The following SYT9 variants were observed in gnomAD, a reference collection of about 807,000 sequenced individuals.
SYT9 encodes synaptotagmin-9.
Under a neutral mutation model 48.4 loss-of-function variants are expected in SYT9, and 22 were observed. That is an observed-to-expected ratio of 0.45 (90% CI 0.32 to 0.65). The LOEUF (loss-of-function observed/expected upper bound fraction) is 0.65. Among genes scored for constraint, SYT9 ranks in the 30% least tolerant of loss-of-function variants. SYT9 has a pLI of 0.03. For missense variants in SYT9, 577 were observed against 622.0 expected (o/e 0.93, Z 0.77); for synonymous variants, 265 against 245.0 (o/e 1.08, Z -0.76).
At chr11:7,416,226 T>G in intron 4 of SYT9, 64 bp downstream of exon 4, 1 of 1,590,146 alleles carries the variant, frequency 6.3e-7, no homozygotes, top group East Asian at 2.2e-5. Context: ...CTTATAAAGT[T>G]TTAGTATGGT....
chr11:7,347,362 G>T (rs1392152360), intron 3 of SYT9, among the ~76,000 whole-genome samples: 1 of 152,034 alleles, frequency 6.6e-6, no homozygotes, highest in East Asian at 1.9e-4. Context: ...CTCCCAAGTA[G>T]CTGGGATTAT....
chr11:7,299,493 G>GA (rs1848877383), intron 1 of SYT9, among the ~76,000 whole-genome samples: 1 of 151,226 alleles, frequency 6.6e-6, no homozygotes, highest in Admixed American at 6.6e-5. Flanking sequence ...GTGTAAATCA[G>GA]AAAAAAAGCC....
At position 7,443,684 on chromosome 11, in the gene SYT9, A is replaced by G. The variant is rs1461032081; in HGVS notation, c.1467+23049A>G. 2.0e-5 allele frequency among the ~76,000 whole-genome samples: 3 copies of G among 152,272 alleles called. No homozygotes were observed. In the East Asian group the frequency reaches 5.8e-4, roughly 29 times the overall value. On this transcript the variant is annotated intron_variant, in intron 6 of 6. Coordinates refer to ENST00000318881, the MANE Select transcript of SYT9 (RefSeq NM_175733.4). The stretch of plus-strand genomic sequence containing the variant: ...AGATGCAGATCCTAATGTCCCAGAC[A>G]GGACTGTTGGCAGGTTCCAAGTCAA...
intron 6 of SYT9, chr11:7,444,653 A>G (rs1011000246): frequency 9.2e-5 from 14 of 152,098 alleles, no homozygotes; most frequent in African/African-American, 2.7e-4. Context: ...TCCATAGCCA[A>G]TGGAGGCTTT....
intron 1 of SYT9, among the ~76,000 whole-genome samples, chr11:7,287,503 T>C (rs916435016): frequency 6.6e-6 from 1 of 152,216 alleles, no homozygotes; most frequent in Non-Finnish European, 1.5e-5. Context: ...GTCTCAGCAA[T>C]GTCTACTTCT....
chr11:7,266,289 T>G (rs16924118), intron 1 of SYT9, among the ~76,000 whole-genome samples: 2,299 of 152,262 alleles, frequency 0.015, 57 homozygotes, highest in African/African-American at 0.053. Context: ...CTGGGGCTTT[T>G]AAAGTACTTT....
At chr11:7,352,489 C>A (rs994358626) in intron 3 of SYT9, among the ~76,000 whole-genome samples, 2 of 152,024 alleles carry the variant, frequency 1.3e-5, no homozygotes, top group Non-Finnish European at 2.9e-5. Context: ...ACAATAAGAC[C>A]TAGATCTACA....
At chr11:7,266,025 G>A (rs1333156049) in intron 1 of SYT9, among the ~76,000 whole-genome samples, 2 of 152,100 alleles carry the variant, frequency 1.3e-5, no homozygotes, top group Admixed American at 6.6e-5. Flanking sequence ...GGACAAGAAT[G>A]AGGAGGCCAC....
intron 3 of SYT9, among the ~76,000 whole-genome samples, chr11:7,391,026 T>G (rs1311073323): frequency 6.6e-6 from 1 of 152,144 alleles, no homozygotes; most frequent in Non-Finnish European, 1.5e-5. Flanking sequence ...CCCATGTCTA[T>G]GTCCATGTGC....
intron 3 of SYT9, among the ~76,000 whole-genome samples, chr11:7,315,372 A>G (rs1849223852): frequency 6.6e-6 from 1 of 152,332 alleles, no homozygotes; most frequent in East Asian, 1.9e-4. Context: ...TTATACAAAG[A>G]TACGAATGGC....
intron 1 of SYT9, among the ~76,000 whole-genome samples, chr11:7,287,240 A>C (rs1231514731): frequency 1.3e-5 from 2 of 152,140 alleles, no homozygotes; most frequent in African/African-American, 4.8e-5. Context: ...GAAGGGGGGA[A>C]AAGCCCCTTA....
At chr11:7,453,866 G>A (rs1848102607) in intron 6 of SYT9, 1 of 378,156 alleles carries the variant, frequency 2.6e-6, no homozygotes, top group Non-Finnish European at 3.6e-6. Flanking sequence ...AGGCCGAAAG[G>A]GAGTCAGGCC....
intron 1 of SYT9, among the ~76,000 whole-genome samples, chr11:7,290,725 G>A (rs1848683983): frequency 6.6e-6 from 1 of 152,100 alleles, no homozygotes; most frequent in East Asian, 1.9e-4. Context: ...AGTTGTAGGA[G>A]ACACTTTAGA....
chr11:7,385,551 A>G (rs1405934196), intron 3 of SYT9, among the ~76,000 whole-genome samples: 1 of 152,104 alleles, frequency 6.6e-6, no homozygotes. Flanking sequence ...GCTGGGTACT[A>G]TGCCTATTAC....
intron 1 of SYT9, among the ~76,000 whole-genome samples, chr11:7,282,475 T>C (rs1848514436): frequency 6.6e-6 from 1 of 152,186 alleles, no homozygotes; most frequent in Non-Finnish European, 1.5e-5. Flanking sequence ...CAGGTAAATA[T>C]GGAGGTGTGA....
chr11:7,290,704 G>A (rs2133918392), intron 1 of SYT9, among the ~76,000 whole-genome samples: 1 of 152,250 alleles, frequency 6.6e-6, no homozygotes. Flanking sequence ...GGTGTGGCAG[G>A]TATCTTGCTA....
At chr11:7,296,428 C>T (rs1271940962) in intron 1 of SYT9, among the ~76,000 whole-genome samples, 1 of 152,164 alleles carries the variant, frequency 6.6e-6, no homozygotes, top group Non-Finnish European at 1.5e-5. Flanking sequence ...GCTTCTTATT[C>T]AAGATGTTGC....
At chr11:7,424,525 A>G (rs1357473595) in intron 6 of SYT9, among the ~76,000 whole-genome samples, 1 of 152,220 alleles carries the variant, frequency 6.6e-6, no homozygotes, top group Admixed American at 6.5e-5. Flanking sequence ...ATAATAGGAA[A>G]TAGTTCCAAG....
intron 3 of SYT9, among the ~76,000 whole-genome samples, chr11:7,385,553 G>A (rs1045934885): frequency 9.9e-5 from 15 of 151,990 alleles, no homozygotes; most frequent in African/African-American, 3.6e-4. Context: ...TGGGTACTAT[G>A]CCTATTACCT....
Sources: allele counts gnomAD v4.1 joint callset (sites outside exome capture counted in the v4.1 genomes callset), GRCh38; gene constraint gnomAD v4.1.1; transcripts MANE v1.5; gene names NCBI Gene and HGNC (gene_info 2026-07-23, HGNC 2026-07-21).